Variants in LRRC37B observed in about 807,000 individuals in gnomAD.
The protein encoded by LRRC37B is leucine rich repeat containing 37B.
In LRRC37B, 28 loss-of-function variants were observed where a neutral mutation model predicts 98.3. The observed-to-expected ratio is 0.28, with a 90% CI of 0.21 to 0.39. LRRC37B has a LOEUF of 0.39. LRRC37B is among the 10% of genes least tolerant of loss of function. The pLI is 1.00. For missense variants in LRRC37B, 938 were observed against 1,182.7 expected (o/e 0.79, Z 3.03); for synonymous variants, 364 against 442.7 (o/e 0.82, Z 2.23).
intron 9 of LRRC37B, among the ~76,000 whole-genome samples, chr17:32,048,589 G>A (rs1354844006): frequency 6.6e-6 from 1 of 152,000 alleles, no homozygotes; most frequent in Non-Finnish European, 1.5e-5. Context: ...TGGCTAGAGT[G>A]AAAAACATGA....
chr17:32,029,126 C>T (rs1479555035), intron 3 of LRRC37B, among the ~76,000 whole-genome samples: 2 of 151,964 alleles, frequency 1.3e-5, no homozygotes, highest in African/African-American at 2.4e-5. Context: ...CTCAACCTCC[C>T]GAGTAGCTGC....
At chr17:32,008,633 A>C (rs567141800) in intron 1 of LRRC37B, among the ~76,000 whole-genome samples, 1 of 152,224 alleles carries the variant, frequency 6.6e-6, no homozygotes, top group Non-Finnish European at 1.5e-5. Flanking sequence ...GACACACAGA[A>C]AAACATGCCT....
At chr17:32,016,859 A>G (rs1910656241), upstream of LRRC37B, 1 of 152,212 alleles carries the variant, frequency 6.6e-6, no homozygotes, top group Non-Finnish European at 1.5e-5. Flanking sequence ...ATTTCTCTCA[A>G]ATGTGATAGT....
Position 32,024,679 on chromosome 17 carries a change from T to C in LRRC37B, c.1761-32T>C, listed in dbSNP as rs1415197417. 1.9e-6 allele frequency: 3 copies of C among 1,606,632 alleles called. No individual in the cohort carries two copies. In the Admixed American group the frequency reaches 5.1e-5, roughly 27 times the overall value. On this transcript the variant is annotated intron_variant, in intron 1 of 11. Coordinates refer to ENST00000327564, the Ensembl canonical transcript of LRRC37B. ...TTATCCTGTTCATTCTTTGCGTGCC[T>C]ATTCAAGGATATAAACTGTCTTTCT...
intron 2 of LRRC37B, among the ~76,000 whole-genome samples, chr17:32,025,723 G>A (rs1910934424): frequency 6.6e-6 from 1 of 152,204 alleles, no homozygotes; most frequent in African/African-American, 2.4e-5. Context: ...TGAATGTTGA[G>A]CTTATGCTTA....
At position 32,035,557 on chromosome 17, in the gene LRRC37B, T is replaced by C; in HGVS notation, c.2130-8T>C. 2 of 1,610,682 alleles carry C rather than the reference T, an allele frequency of 1.2e-6. No homozygotes were observed. Among genetic ancestry groups the C allele is most frequent in the South Asian group, 2.2e-5 (2 of 90,420 alleles). The stretch of plus-strand genomic sequence containing the variant: ...TCATATCATGAATGTTTCGGCTTTC[T>C]TCTTCAGAGACATGGGAACAACACA... On this transcript the variant is annotated splice_region_variant and splice_polypyrimidine_tract_variant and intron_variant, in intron 6 of 11. Coordinates refer to ENST00000327564, the Ensembl canonical transcript of LRRC37B.
chr17:32,011,258 G>C (rs922923327), intron 1 of LRRC37B, among the ~76,000 whole-genome samples: 1 of 152,036 alleles, frequency 6.6e-6, no homozygotes, highest in African/African-American at 2.4e-5. Context: ...GCCTCCCAAA[G>C]TGCTGGGATT....
chr17:32,044,020 G>A (rs1236589868), intron 7 of LRRC37B, among the ~76,000 whole-genome samples: 5 of 151,422 alleles, frequency 3.3e-5, no homozygotes, highest in Non-Finnish European at 7.4e-5. Flanking sequence ...ACAAGGCCAA[G>A]GAACAGAGAT....
At chr17:32,039,524 GTATGTATTTTTATATA>G (rs1411256744) in intron 7 of LRRC37B, among the ~76,000 whole-genome samples, 3 of 16,458 alleles carry the variant, frequency 1.8e-4, no homozygotes, top group South Asian at 2.8e-3. Flanking sequence ...ATATATATAT[GTATGTATTTTTATATA>G]TATTTCTATA....
At chr17:32,045,010 A>C (rs1911534635) in intron 7 of LRRC37B, among the ~76,000 whole-genome samples, 1 of 152,178 alleles carries the variant, frequency 6.6e-6, no homozygotes, top group Non-Finnish European at 1.5e-5. Flanking sequence ...ATCAGTGATA[A>C]TCTTTGTCTG....
chr17:32,042,044 G>A (rs1170302440), intron 7 of LRRC37B: 2 of 346,438 alleles, frequency 5.8e-6, no homozygotes, highest in African/African-American at 2.2e-5. Context: ...CCCACTCCAG[G>A]GCCACAGTAC....
At chr17:32,040,719 C>T (rs140556129) in intron 7 of LRRC37B, 190 of 788,860 alleles carry the variant, frequency 2.4e-4, no homozygotes, top group African/African-American at 1.6e-3. Context: ...GTGCCTGATC[C>T]GCCACCAGAA....
exon 1 of LRRC37B, chr17:32,021,736 C>T (rs1910796183): frequency 6.2e-7 from 1 of 1,614,134 alleles, no homozygotes; most frequent in Non-Finnish European, 8.5e-7. Flanking sequence ...AAAGATCTAG[C>T]TGAACGTTGG....
intron 1 of LRRC37B, among the ~76,000 whole-genome samples, chr17:32,023,432 C>T (rs1910860807): frequency 6.6e-6 from 1 of 152,174 alleles, no homozygotes; most frequent in African/African-American, 2.4e-5. Context: ...CCGCTTCACC[C>T]TCTTTACAGC....
chr17:32,013,827 A>T (rs1184627631), intron 1 of LRRC37B, among the ~76,000 whole-genome samples: 1 of 152,088 alleles, frequency 6.6e-6, no homozygotes, highest in Non-Finnish European at 1.5e-5. Context: ...ATGTATGTAG[A>T]CATATATCCA....
intron 1 of LRRC37B, among the ~76,000 whole-genome samples, chr17:32,015,593 A>C (rs1348076102): frequency 6.6e-6 from 1 of 152,206 alleles, no homozygotes; most frequent in African/African-American, 2.4e-5. Context: ...GAAGTCTGAA[A>C]ACACTGTAAT....
chr17:32,042,297 C>T (rs1256302324), intron 7 of LRRC37B: 1 of 177,416 alleles, frequency 5.6e-6, no homozygotes, highest in Admixed American at 6.0e-5. Context: ...CAGCCAGGCC[C>T]ACGGAAGCCT....
intron 7 of LRRC37B, 153 bp downstream of exon 10, chr17:32,035,792 T>C: frequency 1.3e-6 from 1 of 786,788 alleles, no homozygotes; most frequent in Non-Finnish European, 1.9e-6. Context: ...AATGTATAGT[T>C]ACATAACCAC....
In LRRC37B at chr17:32,031,669, C is replaced by G. The variant is rs529881830; in HGVS notation, c.2057+211C>G. ...CCTGCTCTGCTTGTCCTAGTTCTGA[C>G]CTATGGCATGGGCAAGAAAAGGCAT... is the stretch of plus-strand genomic sequence containing the variant. On this transcript the variant is annotated intron_variant, in intron 5 of 11. Transcript: ENST00000327564. Among the ~76,000 whole-genome samples, 12 of 151,776 alleles carry G rather than the reference C, an allele frequency of 7.9e-5. 1 individual carries two copies. The East Asian group carries it at 2.3e-3, about 29-fold the overall frequency.
Sources: allele counts gnomAD v4.1 joint callset (sites outside exome capture counted in the v4.1 genomes callset), GRCh38; gene constraint gnomAD v4.1.1; transcripts MANE v1.5; gene names NCBI Gene and HGNC (gene_info 2026-07-23, HGNC 2026-07-21).